CTSS: variants seen among roughly 807,000 people sequenced by gnomAD.
CTSS encodes cathepsin S.
Under a neutral mutation model 39.9 loss-of-function variants are expected in CTSS, and 15 were observed. The observed-to-expected ratio is 0.38, with a 90% CI of 0.25 to 0.58. The LOEUF (loss-of-function observed/expected upper bound fraction) is 0.58. Among genes scored for constraint, CTSS ranks in the 20% least tolerant of loss-of-function variants. CTSS has a pLI of 0.70. For missense variants in CTSS, 250 were observed against 398.2 expected, an observed-to-expected ratio of 0.63 and a Z score of 3.17; for synonymous variants, 126 against 138.2, an observed-to-expected ratio of 0.91 and a Z score of 0.62.
At chr1:150,739,866 A>G (rs898204480) in intron 7 of CTSS, among the ~76,000 whole-genome samples, 1 of 149,954 alleles carries the variant, frequency 6.7e-6, no homozygotes, top group Non-Finnish European at 1.5e-5. Context: ...TGATGAAACT[A>G]AAATTAAAGA....
chr1:150,741,226 G>A (rs963714766), intron 7 of CTSS, among the ~76,000 whole-genome samples: 9 of 151,442 alleles, frequency 5.9e-5, no homozygotes, highest in Admixed American at 1.3e-4. Flanking sequence ...TTAAACTCCT[G>A]GCCTCAAGTG....
chr1:150,733,168 A>C, intron 7 of CTSS, 23 bp from the exon 8 acceptor site: 3 of 1,530,042 alleles, frequency 2.0e-6, no homozygotes, highest in Non-Finnish European at 2.7e-6. Context: ...AAATAATACA[A>C]AATTACAAAT....
At chr1:150,733,424 C>T (rs1652567209) in intron 7 of CTSS, among the ~76,000 whole-genome samples, 1 of 152,176 alleles carries the variant, frequency 6.6e-6, no homozygotes, top group African/African-American at 2.4e-5. Context: ...GCAAATATGC[C>T]TTCTCTAAAG....
intron 6 of CTSS, among the ~76,000 whole-genome samples, chr1:150,749,515 C>T (rs905367642): frequency 3.3e-5 from 5 of 151,996 alleles, no homozygotes; most frequent in African/African-American, 1.2e-4. Flanking sequence ...AAGTTTGAAG[C>T]CAGCAGATGT....
intron 5 of CTSS, among the ~76,000 whole-genome samples, chr1:150,751,291 G>A (rs187607154): frequency 8.7e-4 from 132 of 152,114 alleles, no homozygotes; most frequent in African/African-American, 3.0e-3. Flanking sequence ...CTCCGTTGCC[G>A]AGGCTGGAGT....
chr1:150,763,111 A>T (rs1653299050), intron 2 of CTSS, among the ~76,000 whole-genome samples: 1 of 152,202 alleles, frequency 6.6e-6, no homozygotes, highest in Admixed American at 6.5e-5. Flanking sequence ...CCTTAAAAAA[A>T]AAAAAAGGAA....
chr1:150,745,491 T>A lies in CTSS; in HGVS notation c.896+2286A>T, dbSNP rs150108435. Reference sequence around the variant, plus strand: ...GCCTGGGAAACATAGAGAGATCCTGTCTCTACAAATAGAAATTAAAATTGG... The same window carrying A: ...GCCTGGGAAACATAGAGAGATCCTGACTCTACAAATAGAAATTAAAATTGG... On this transcript the variant is annotated intron_variant, in intron 7 of 7. Coordinates refer to ENST00000368985, the MANE Select transcript of CTSS (RefSeq NM_004079.5). 3.3e-5 allele frequency among the ~76,000 whole-genome samples: 5 copies of A among 152,108 alleles called. No individual in the cohort carries two copies. The East Asian group carries it at 9.7e-4, about 29-fold the overall frequency.
At chr1:150,760,227 G>A (rs1401655270) in intron 2 of CTSS, among the ~76,000 whole-genome samples, 1 of 152,254 alleles carries the variant, frequency 6.6e-6, no homozygotes, top group East Asian at 1.9e-4. Context: ...GTGTGGGTGA[G>A]GGTGAAATTC....
At chr1:150,754,975 C>T (rs1455439826) in intron 4 of CTSS, 26 bp downstream of exon 4, 2 of 1,606,558 alleles carry the variant, frequency 1.2e-6, no homozygotes, top group Non-Finnish European at 1.7e-6. Context: ...ACCTAGGGTT[C>T]AGAGGCTTGG....
At chr1:150,743,169 G>A (rs1456571040) in intron 7 of CTSS, among the ~76,000 whole-genome samples, 2 of 152,038 alleles carry the variant, frequency 1.3e-5, no homozygotes, top group Admixed American at 6.6e-5. Context: ...TAAGATATGA[G>A]GCTAAAGTTG....
At chr1:150,756,874 G>A (rs955815850) in intron 3 of CTSS, among the ~76,000 whole-genome samples, 5 of 151,738 alleles carry the variant, frequency 3.3e-5, no homozygotes, top group East Asian at 3.9e-4. Context: ...GTGCCACCAC[G>A]CCCAGCTAAT....
At chr1:150,759,959 G>C (rs1653218073) in intron 2 of CTSS, among the ~76,000 whole-genome samples, 1 of 151,830 alleles carries the variant, frequency 6.6e-6, no homozygotes, top group Non-Finnish European at 1.5e-5. Context: ...TGCATGATGG[G>C]CTTACTTCCA....
At chr1:150,758,050 G>T in intron 2 of CTSS, 70 bp from the exon 3 acceptor site, 3 of 1,497,238 alleles carry the variant, frequency 2.0e-6, no homozygotes, top group Non-Finnish European at 2.7e-6. Context: ...GATGAAAATG[G>T]CAATTTTTTT....
rs1443139990 is a variant in CTSS, at chr1:150,744,580, T to TATTATATATGTATATTATGTATACATAA, written c.896+3196_896+3197insTTATGTATACATAATATACATATATAAT. Among the ~76,000 whole-genome samples, 577 of 107,696 alleles carry TATTATATATGTATATTATGTATACATAA rather than the reference T, an allele frequency of 5.4e-3. 11 individuals carry two copies. Among genetic ancestry groups the TATTATATATGTATATTATGTATACATAA allele is most frequent in the Non-Finnish European group, 8.0e-3 (420 of 52,494 alleles). The allele number at this position is 107,696 out of a possible 152,430, so 70.7% of individuals were successfully genotyped here. ...ATGTATATTATGTATACATAATATATTATATATTATATATGTATATTATGT... is the reference window on the plus strand; with the variant it reads ...ATGTATATTATGTATACATAATATATATTATATATGTATATTATGTATACATAATATATATTATATATGTATATTATGT... On this transcript the variant is annotated intron_variant, in intron 7 of 7. Transcript: ENST00000368985.
intron 7 of CTSS, among the ~76,000 whole-genome samples, chr1:150,747,066 A>G (rs1393995809): frequency 6.6e-6 from 1 of 152,220 alleles, no homozygotes; most frequent in African/African-American, 2.4e-5. Flanking sequence ...TGCCTGAACT[A>G]GAGCCGTAAT....
intron 2 of CTSS, among the ~76,000 whole-genome samples, chr1:150,761,183 A>G (rs1653251763): frequency 6.6e-6 from 1 of 150,680 alleles, no homozygotes; most frequent in Non-Finnish European, 1.5e-5. Flanking sequence ...CGCCTCAAAA[A>G]AAAAAAAAAA....
In CTSS at chr1:150,744,561, ATTATGTATACATAAT is replaced by A. The variant is rs1346746536; in HGVS notation, c.896+3201_896+3215del. Among the ~76,000 whole-genome samples, 62 of 120,598 alleles carry A rather than the reference ATTATGTATACATAAT, an allele frequency of 5.1e-4. 1 individual carries two copies. Among genetic ancestry groups the A allele is most frequent in the Non-Finnish European group, 6.6e-4 (41 of 61,846 alleles). 79.1% of individuals were successfully genotyped at this position (120,598 alleles called of 152,430 possible). On this transcript the variant is annotated intron_variant, in intron 7 of 7. Transcript: ENST00000368985. ...AATATATTATATATTATATATGTAT[ATTATGTATACATAAT>A]ATATTATATATTATATATGTATATT... is the stretch of plus-strand genomic sequence containing the variant.
intron 7 of CTSS, among the ~76,000 whole-genome samples, chr1:150,745,395 T>C (rs1652873401): frequency 6.6e-6 from 1 of 152,154 alleles, no homozygotes; most frequent in Non-Finnish European, 1.5e-5. Context: ...GCGCAGTGGC[T>C]CACACCTGTA....
At chr1:150,760,366 A>G (rs1402369797) in intron 2 of CTSS, among the ~76,000 whole-genome samples, 3 of 152,248 alleles carry the variant, frequency 2.0e-5, no homozygotes, top group African/African-American at 7.2e-5. Context: ...CAACACAAAT[A>G]GGCCATATAT....
Sources: gnomAD v4.1 joint callset for allele counts (sites outside exome capture counted in the v4.1 genomes callset) on GRCh38, gnomAD v4.1.1 for gene constraint, MANE v1.5 for transcripts, NCBI Gene and HGNC (gene_info 2026-07-23, HGNC 2026-07-21) for gene names.